The following SORCS2 variants were observed in gnomAD, a reference collection of about 807,000 sequenced individuals.
The protein encoded by SORCS2 is VPS10 domain-containing receptor SorCS2.
Under a neutral mutation model 141.6 loss-of-function variants are expected in SORCS2, and 100 were observed. The ratio of observed to expected loss-of-function variants is 0.71; its 90% CI spans 0.60 to 0.83. The LOEUF (loss-of-function observed/expected upper bound fraction) is 0.83. Ranked by LOEUF, SORCS2 falls within the 40% of genes least tolerant of loss-of-function variation. The pLI is 0.00. For synonymous variants in SORCS2, 789 were observed against 676.9 expected, an observed-to-expected ratio of 1.17 and a Z score of -2.57; for missense variants, 1,646 against 1,560.2, an observed-to-expected ratio of 1.05 and a Z score of -0.93.
chr4:7,718,971 A>G (rs1726386845), intron 18 of SORCS2, among the ~76,000 whole-genome samples: 1 of 152,252 alleles, frequency 6.6e-6, no homozygotes, highest in Non-Finnish European at 1.5e-5. Context: ...AACAAAACCT[A>G]GAAAAACTTA....
chr4:7,676,810 T>TCCCTCTCCCTCTCTCCACCCCAGCCC (rs1723162414), intron 9 of SORCS2, among the ~76,000 whole-genome samples: 1 of 47,978 alleles, frequency 2.1e-5, no homozygotes, highest in Non-Finnish European at 4.5e-5. Context: ...TCTGTCTCTC[T>TCCCTCTCCCTCTCTCCACCCCAGCCC]CTCTCTCTCT....
chr4:7,678,231 G>C (rs1375576192), intron 9 of SORCS2, among the ~76,000 whole-genome samples: 1 of 151,418 alleles, frequency 6.6e-6, no homozygotes, highest in African/African-American at 2.4e-5. Flanking sequence ...CGGCTGAGCA[G>C]GAGTTAGCCA....
At chr4:7,238,913 C>G (rs1401063501) in intron 1 of SORCS2, among the ~76,000 whole-genome samples, 1 of 152,232 alleles carries the variant, frequency 6.6e-6, no homozygotes, top group African/African-American at 2.4e-5. Context: ...TCACCCCCAT[C>G]ACCCCTGTGC....
rs35642757 is a variant in SORCS2, at chr4:7,447,621, C to A, written c.548+51266C>A. On this transcript the variant is annotated intron_variant, in intron 2 of 26. Transcript: ENST00000507866. ...TATGCAACTCACAAATAAGTCCATC[C>A]ATGCATTGGGACTGTGGACCTCAAA... is the stretch of plus-strand genomic sequence containing the variant. Among the ~76,000 whole-genome samples the A allele has an allele frequency of 3.9e-5, 6 of 151,922 alleles. 1 individual carries two copies. The highest frequency in any genetic ancestry group is 7.4e-5 in the Non-Finnish European group (5 of 67,954).
intron 3 of SORCS2, among the ~76,000 whole-genome samples, chr4:7,627,182 G>C (rs138673672): frequency 5.3e-5 from 8 of 152,082 alleles, no homozygotes; most frequent in African/African-American, 1.9e-4. Context: ...ACAGGGTTTC[G>C]CCTTGTTGCC....
chr4:7,340,851 C>CA, intron 1 of SORCS2, among the ~76,000 whole-genome samples: 1 of 152,222 alleles, frequency 6.6e-6, no homozygotes, highest in East Asian at 1.9e-4. Flanking sequence ...CTTTAGAGAT[C>CA]AAAGGTCGGC....
chr4:7,629,008 C>T (rs761288710), intron 3 of SORCS2, among the ~76,000 whole-genome samples: 21 of 152,232 alleles, frequency 1.4e-4, no homozygotes, highest in Non-Finnish European at 2.6e-4. Context: ...GCCTCTGAGA[C>T]GGTGGCCTCG....
intron 1 of SORCS2, among the ~76,000 whole-genome samples, chr4:7,373,479 T>TATATATATA (rs60434529): frequency 1.3e-4 from 2 of 15,518 alleles, no homozygotes; most frequent in Non-Finnish European, 3.0e-4. Context: ...TATATATATA[T>TATATATATA]TTTTTTTTTT....
intron 3 of SORCS2, among the ~76,000 whole-genome samples, chr4:7,558,005 C>T (rs1209676135): frequency 6.6e-6 from 1 of 152,190 alleles, no homozygotes; most frequent in Admixed American, 6.5e-5. Flanking sequence ...CAGCCAGATG[C>T]AGTTCACAGT....
chr4:7,609,876 C>G (rs1475479373), intron 3 of SORCS2, among the ~76,000 whole-genome samples: 1 of 152,242 alleles, frequency 6.6e-6, no homozygotes, highest in Non-Finnish European at 1.5e-5. Context: ...ACCCCAAACT[C>G]CAATGCCATC....
chr4:7,381,561 G>A (rs768683829), intron 1 of SORCS2, among the ~76,000 whole-genome samples: 3 of 152,210 alleles, frequency 2.0e-5, no homozygotes, highest in African/African-American at 4.8e-5. Context: ...TGTCCCTGGC[G>A]GAGGGAGGGT....
chr4:7,217,035 C>A (rs559870056), intron 1 of SORCS2, among the ~76,000 whole-genome samples: 3 of 93,506 alleles, frequency 3.2e-5, no homozygotes, highest in African/African-American at 1.5e-4. Context: ...ACTACAGCTG[C>A]GCTCCTTTGG....
intron 3 of SORCS2, among the ~76,000 whole-genome samples, chr4:7,584,800 T>G (rs1716425717): frequency 6.6e-6 from 1 of 152,162 alleles, no homozygotes; most frequent in Admixed American, 6.5e-5. Flanking sequence ...TGTGTGAGAT[T>G]TCCAAAGTGA....
intron 4 of SORCS2, among the ~76,000 whole-genome samples, 158 bp from the exon 5 acceptor site, chr4:7,653,976 G>C (rs908291617): frequency 4.6e-5 from 7 of 152,202 alleles, no homozygotes; most frequent in Non-Finnish European, 1.0e-4. Flanking sequence ...GGTGGGGTTT[G>C]GTCTGCATCC....
intron 1 of SORCS2, among the ~76,000 whole-genome samples, chr4:7,373,473 T>G (rs1253337133): frequency 4.2e-5 from 3 of 72,078 alleles, no homozygotes; most frequent in South Asian, 1.1e-3. Context: ...TATATATATA[T>G]ATATATTTTT....
At chr4:7,377,884 A>G (rs918709480) in intron 1 of SORCS2, among the ~76,000 whole-genome samples, 1 of 152,222 alleles carries the variant, frequency 6.6e-6, no homozygotes, top group African/African-American at 2.4e-5. Context: ...CTTCCGTGGA[A>G]GATACATTGA....
intron 1 of SORCS2, among the ~76,000 whole-genome samples, chr4:7,251,378 A>C (rs1308742533): frequency 6.6e-6 from 1 of 152,216 alleles, no homozygotes; most frequent in Non-Finnish European, 1.5e-5. Flanking sequence ...ACGAATATTC[A>C]AAACGTGGAG....
intron 4 of SORCS2, among the ~76,000 whole-genome samples, chr4:7,644,665 A>G (rs910171112): frequency 3.3e-5 from 5 of 152,156 alleles, no homozygotes; most frequent in African/African-American, 1.2e-4. Flanking sequence ...GCACCTCCAG[A>G]AACCATAGAA....
At chr4:7,326,018 G>C (rs888941355) in intron 1 of SORCS2, among the ~76,000 whole-genome samples, 2 of 152,112 alleles carry the variant, frequency 1.3e-5, no homozygotes, top group Non-Finnish European at 2.9e-5. Flanking sequence ...GGTCTTTGAT[G>C]TTTTGATGTT....
Sources: gnomAD v4.1 joint callset for allele counts (sites outside exome capture counted in the v4.1 genomes callset) on GRCh38, gnomAD v4.1.1 for gene constraint, MANE v1.5 for transcripts, NCBI Gene and HGNC (gene_info 2026-07-23, HGNC 2026-07-21) for gene names.